The following TRPM1 variants were observed in gnomAD, a reference collection of about 807,000 sequenced individuals.
TRPM1 encodes the protein TRPM1-203 APA Isoform, Intron 10.
A neutral mutation model predicts 149.4 loss-of-function variants in TRPM1; 113 were observed. The observed-to-expected ratio is 0.76, with a 90% CI of 0.65 to 0.88. The LOEUF (loss-of-function observed/expected upper bound fraction) is 0.88. TRPM1 is among the 40% of genes least tolerant of loss of function. The pLI, the probability that TRPM1 is intolerant of heterozygous loss-of-function variation, is 0.00. For synonymous variants in TRPM1, 741 were observed against 759.5 expected, an observed-to-expected ratio of 0.98 and a Z score of 0.40; for missense variants, 1,976 against 2,038.7, an observed-to-expected ratio of 0.97 and a Z score of 0.59.
rs1384571596 is a variant in TRPM1, at chr15:31,049,443, G to T, written c.1504C>A (p.Leu502Met). ...TGCATGTTCACTCCGTTTTCAATCA[G>T]GAGCTTCACAAAGTCGACACGATCT... ...VLDRVDFVKL[L>M]IENGVNMQHF... The change falls in exon 13 of 28, where the codon CTG becomes ATG. Residue 502 changes from leucine (L) to methionine (M), a missense_variant. Physicochemically the swap from Leu to Met is conservative, Grantham distance 15 (BLOSUM62 2). Coordinates refer to ENST00000256552, the MANE Select transcript of TRPM1 (RefSeq NM_001252024.2). 1.2e-6 allele frequency: 2 copies of T among 1,614,156 alleles called. No homozygotes were observed. Among genetic ancestry groups the T allele is most frequent in the South Asian group, 2.2e-5 (2 of 91,080 alleles).
At chr15:31,112,435 G>A (rs1311940689) in intron 1 of TRPM1, among the ~76,000 whole-genome samples, 3 of 152,184 alleles carry the variant, frequency 2.0e-5, no homozygotes, top group Non-Finnish European at 2.9e-5. Flanking sequence ...CCGAGATCGT[G>A]CCACTGCACT....
intron 1 of TRPM1, among the ~76,000 whole-genome samples, chr15:31,151,067 C>G (rs535512045): frequency 6.6e-6 from 1 of 152,160 alleles, no homozygotes; most frequent in Non-Finnish European, 1.5e-5. Flanking sequence ...GCAACCCATT[C>G]GGCCCCCTCT....
intron 2 of TRPM1, among the ~76,000 whole-genome samples, chr15:31,078,295 T>C (rs2034764718): frequency 6.6e-6 from 1 of 152,076 alleles, no homozygotes; most frequent in South Asian, 2.1e-4. Context: ...GACAACTGCA[T>C]GTCAGAGAGG....
chr15:31,154,813 T>A (rs1419809503), intron 1 of TRPM1, among the ~76,000 whole-genome samples: 1 of 152,100 alleles, frequency 6.6e-6, no homozygotes, highest in Non-Finnish European at 1.5e-5. Flanking sequence ...ATCAATACAC[T>A]GGCTCATCTG....
Position 31,001,636 on chromosome 15 carries a change from A to G in TRPM1, c.*186T>C. The stretch of plus-strand genomic sequence containing the variant: ...TTCATTTGATACTACTGCAACTGAA[A>G]AAACTAAGCCTACTAACATATGCTA... On this transcript the variant is annotated 3_prime_UTR_variant, in exon 28 of 28. Coordinates refer to ENST00000256552, the MANE Select transcript of TRPM1 (RefSeq NM_001252024.2). 1.5e-6 allele frequency: 1 copy of G among 647,924 alleles called. No homozygotes were observed. The allele number at this position is 647,924 out of a possible 1,614,324, so 40.1% of individuals were successfully genotyped here.
At chr15:31,110,294 G>A (rs927786294) in intron 1 of TRPM1, among the ~76,000 whole-genome samples, 2 of 152,090 alleles carry the variant, frequency 1.3e-5, no homozygotes, top group African/African-American at 4.8e-5. Flanking sequence ...GAAGGCTAGA[G>A]AATAATTTAA....
At chr15:31,145,292 T>C (rs1370592291) in intron 1 of TRPM1, among the ~76,000 whole-genome samples, 1 of 152,214 alleles carries the variant, frequency 6.6e-6, no homozygotes, top group African/African-American at 2.4e-5. Context: ...GACTTAAAGC[T>C]GTGGACAGCC....
intron 7 of TRPM1, among the ~76,000 whole-genome samples, chr15:31,064,322 T>A (rs552880766): frequency 6.6e-6 from 1 of 152,372 alleles, no homozygotes; most frequent in South Asian, 2.1e-4. Context: ...GTTAATGACC[T>A]GTTCCCAGAG....
intron 11 of TRPM1, among the ~76,000 whole-genome samples, chr15:31,056,619 C>T (rs142251500): frequency 1.6e-3 from 241 of 152,310 alleles, no homozygotes; most frequent in African/African-American, 5.4e-3. Context: ...ATCCCCAGTG[C>T]AACAGTGCTG....
chr15:31,069,685 A>G, intron 4 of TRPM1: 1 of 1,417,198 alleles, frequency 7.1e-7, no homozygotes, highest in South Asian at 1.7e-5. Context: ...AACACATCTA[A>G]GGGGGCTGCA....
chr15:31,071,220 C>T (rs1308522220), intron 3 of TRPM1, among the ~76,000 whole-genome samples: 10 of 152,190 alleles, frequency 6.6e-5, no homozygotes, highest in Non-Finnish European at 1.5e-5. Context: ...GGAAGAACTG[C>T]AGTAGCCTGG....
chr15:31,041,782 C>G (rs1469923728), intron 17 of TRPM1, among the ~76,000 whole-genome samples, 169 bp downstream of exon 17: 4 of 152,182 alleles, frequency 2.6e-5, no homozygotes, highest in Non-Finnish European at 5.9e-5. Flanking sequence ...CCAAAAACAC[C>G]TCTGAGAGAC....
At chr15:31,090,248 C>T (rs538291840) in intron 1 of TRPM1, among the ~76,000 whole-genome samples, 162 of 152,186 alleles carry the variant, frequency 1.1e-3, no homozygotes, top group African/African-American at 3.8e-3. Flanking sequence ...CAGACAGCTT[C>T]CTCACCCTTC....
At chr15:31,132,721 C>T (rs2036033027) in intron 1 of TRPM1, among the ~76,000 whole-genome samples, 1 of 152,142 alleles carries the variant, frequency 6.6e-6, no homozygotes. Flanking sequence ...TTGTAGCTCC[C>T]ATAATCCCCA....
At chr15:31,093,932 T>G (rs1196736840) in intron 1 of TRPM1, among the ~76,000 whole-genome samples, 2 of 151,870 alleles carry the variant, frequency 1.3e-5, no homozygotes, top group African/African-American at 4.8e-5. Flanking sequence ...AAGAACAAAG[T>G]TAGAGGACTC....
At chr15:31,024,480 C>CA (rs1566994555) in intron 27 of TRPM1, among the ~76,000 whole-genome samples, 1 of 152,180 alleles carries the variant, frequency 6.6e-6, no homozygotes, top group Admixed American at 6.5e-5. Flanking sequence ...AATGTGCTCC[C>CA]ATCGCTCCTG....
At chr15:31,064,304 G>C (rs563871381) in intron 7 of TRPM1, among the ~76,000 whole-genome samples, 1 of 152,322 alleles carries the variant, frequency 6.6e-6, no homozygotes, top group East Asian at 1.9e-4. Context: ...ACCACTAGTG[G>C]CCCATCAGTT....
At chr15:31,070,557 T>C (rs1054448409) in intron 3 of TRPM1, 26 of 518,930 alleles carry the variant, frequency 5.0e-5, no homozygotes, top group Admixed American at 4.9e-4. Context: ...CCTCCGAACA[T>C]AGAGTTGACC....
At chr15:31,139,051 C>G (rs571728361) in intron 1 of TRPM1, among the ~76,000 whole-genome samples, 1 of 152,122 alleles carries the variant, frequency 6.6e-6, no homozygotes, top group African/African-American at 2.4e-5. Context: ...CTCAAGTGCA[C>G]TTCTTACATA....
Sources: gnomAD v4.1 joint callset for allele counts (sites outside exome capture counted in the v4.1 genomes callset) on GRCh38, gnomAD v4.1.1 for gene constraint, MANE v1.5 for transcripts, NCBI Gene and HGNC (gene_info 2026-07-23, HGNC 2026-07-21) for gene names.